Variants in RAB3GAP2 observed in about 807,000 individuals in gnomAD.
RAB3GAP2 encodes the protein RAB3 GTPase activating non-catalytic protein subunit 2, also known as rab3 GTPase-activating protein non-catalytic subunit.
A neutral mutation model predicts 185.3 loss-of-function variants in RAB3GAP2; 87 were observed. The observed-to-expected ratio is 0.47, with a 90% CI of 0.39 to 0.56. The LOEUF is 0.56. Among genes scored for constraint, RAB3GAP2 ranks in the 20% least tolerant of loss-of-function variants. RAB3GAP2 has a pLI of 0.00. For synonymous variants in RAB3GAP2, 554 were observed against 576.1 expected (o/e 0.96, Z 0.55); for missense variants, 1,492 against 1,638.2 (o/e 0.91, Z 1.54).
At chr1:220,258,129 G>C (rs1324493497) in intron 1 of RAB3GAP2, among the ~76,000 whole-genome samples, 1 of 152,154 alleles carries the variant, frequency 6.6e-6, no homozygotes, top group African/African-American at 2.4e-5. Context: ...CCCAGGACAA[G>C]ATGGATTCAC....
At position 220,175,506 on chromosome 1, in the gene RAB3GAP2, T is replaced by A. The variant is rs564482453; in HGVS notation, c.2311-2764A>T. Reference sequence around the variant, plus strand: ...TGCTGGGATTACAGGCGTGAGCCACTGCGCCCGGCCGGAATACCAGATTTC... The same window carrying A: ...TGCTGGGATTACAGGCGTGAGCCACAGCGCCCGGCCGGAATACCAGATTTC... On this transcript the variant is annotated intron_variant, in intron 21 of 34. Transcript: ENST00000358951. Among the ~76,000 whole-genome samples, 6 of 152,320 alleles carry A rather than the reference T, an allele frequency of 3.9e-5. No individual in the cohort carries two copies. The East Asian group carries it at 1.2e-3, about 29-fold the overall frequency.
chr1:220,179,244 C>CAAAAA (rs71169437), intron 21 of RAB3GAP2, among the ~76,000 whole-genome samples: 36 of 56,664 alleles, frequency 6.4e-4, no homozygotes, highest in Non-Finnish European at 7.9e-4. Flanking sequence ...GAGACTGTCT[C>CAAAAA]AAAAAAAAAA....
intron 4 of RAB3GAP2, among the ~76,000 whole-genome samples, chr1:220,212,416 C>T (rs1192795029): frequency 6.6e-6 from 1 of 152,148 alleles, no homozygotes; most frequent in Non-Finnish European, 1.5e-5. Context: ...CTGATTGAAT[C>T]ATTCTCTACA....
chr1:220,191,058 T>C lies in RAB3GAP2; in HGVS notation c.1487+10A>G, dbSNP rs1353980027. On this transcript the variant is annotated intron_variant, in intron 14 of 34. Coordinates refer to ENST00000358951, the MANE Select transcript of RAB3GAP2 (RefSeq NM_012414.4). ...TTGTAACCAGCACAATGCCAGCATT[T>C]GCAGCTTACCTGCAGTGCTTCCCCA... The C allele has an allele frequency of 6.2e-7, 1 of 1,608,660 alleles. No individual in the cohort carries two copies. The highest frequency in any genetic ancestry group is 2.2e-5 in the East Asian group (1 of 44,852).
intron 19 of RAB3GAP2, among the ~76,000 whole-genome samples, chr1:220,183,611 G>T (rs1658454039): frequency 6.6e-6 from 1 of 152,028 alleles, no homozygotes; most frequent in Admixed American, 6.6e-5. Flanking sequence ...ATTTAAAAGG[G>T]TGTCAAACGC....
intron 13 of RAB3GAP2, among the ~76,000 whole-genome samples, chr1:220,191,842 T>C (rs758976585): frequency 4.8e-4 from 72 of 151,550 alleles, no homozygotes; most frequent in Admixed American, 9.2e-4. Flanking sequence ...GAAAAGATTA[T>C]AGATATAATT....
intron 9 of RAB3GAP2, 23 bp from the exon 10 acceptor site, chr1:220,196,421 T>G (rs1215203768): frequency 6.4e-7 from 1 of 1,557,528 alleles, no homozygotes; most frequent in African/African-American, 1.4e-5. Flanking sequence ...AAAAAGTGAT[T>G]TGAATGTACA....
chr1:220,159,301 C>A, intron 29 of RAB3GAP2, 85 bp downstream of exon 29: 2 of 1,147,698 alleles, frequency 1.7e-6, no homozygotes, highest in East Asian at 2.4e-5. Flanking sequence ...TGATAAAAGG[C>A]AAAGTTCACC....
chr1:220,242,597 TAATC>T (rs1385497121), intron 1 of RAB3GAP2, among the ~76,000 whole-genome samples: 1 of 151,322 alleles, frequency 6.6e-6, no homozygotes, highest in Non-Finnish European at 1.5e-5. Context: ...TAGCATAACT[TAATC>T]AACCTTCTAG....
chr1:220,270,416 T>C (rs1393109691), intron 1 of RAB3GAP2, among the ~76,000 whole-genome samples: 1 of 152,258 alleles, frequency 6.6e-6, no homozygotes, highest in Admixed American at 6.5e-5. Context: ...AGACTATCTA[T>C]ATCTGGTGTT....
chr1:220,212,971 G>A lies in RAB3GAP2; in HGVS notation c.305-3C>T. On this transcript the variant is annotated splice_region_variant and splice_polypyrimidine_tract_variant and intron_variant, in intron 3 of 34. Transcript: ENST00000358951. The stretch of plus-strand genomic sequence containing the variant: ...TTTATCACTATATTTCCATTTTGCT[G>A]TAAGAATTAAGATATCATATAAAAT... The A allele has an allele frequency of 6.2e-7, 1 of 1,601,216 alleles. No individual in the cohort carries two copies. The highest frequency in any genetic ancestry group is 8.5e-7 in the Non-Finnish European group (1 of 1,169,704).
intron 17 of RAB3GAP2, 108 bp downstream of exon 17, chr1:220,189,595 A>T: frequency 9.1e-7 from 1 of 1,095,948 alleles, no homozygotes; most frequent in South Asian, 1.8e-5. Context: ...AAATGTGAAA[A>T]GAAGACTTCA....
At chr1:220,253,047 T>C (rs1279160709) in intron 1 of RAB3GAP2, among the ~76,000 whole-genome samples, 2 of 152,154 alleles carry the variant, frequency 1.3e-5, no homozygotes, top group Non-Finnish European at 2.9e-5. Flanking sequence ...GCTACCATCT[T>C]TGTGGTTCGG....
intron 4 of RAB3GAP2, 42 bp downstream of exon 4, chr1:220,212,845 T>G: frequency 6.9e-7 from 1 of 1,445,662 alleles, no homozygotes; most frequent in Non-Finnish European, 9.7e-7. Flanking sequence ...ATTTCATACA[T>G]ACATGTAACA....
intron 1 of RAB3GAP2, among the ~76,000 whole-genome samples, chr1:220,251,509 C>T (rs1239830772): frequency 6.6e-6 from 1 of 152,214 alleles, no homozygotes; most frequent in Non-Finnish European, 1.5e-5. Context: ...GCAAGCTCTA[C>T]TTGACTGATA....
At chr1:220,230,485 T>C (rs1416296347) in intron 2 of RAB3GAP2, among the ~76,000 whole-genome samples, 2 of 152,212 alleles carry the variant, frequency 1.3e-5, no homozygotes, top group Non-Finnish European at 2.9e-5. Context: ...TTTTATCCTA[T>C]TCAACACATC....
chr1:220,158,041 T>G lies in RAB3GAP2; in HGVS notation c.3262-165A>C, dbSNP rs1657890915. 6.6e-6 allele frequency among the ~76,000 whole-genome samples: 1 copy of G among 152,226 alleles called. No individual in the cohort carries two copies. Among genetic ancestry groups the G allele is most frequent in the Admixed American group, 6.5e-5 (1 of 15,284 alleles). Reference sequence around the variant, plus strand: ...GGCATTAGCATATTTAAGTTCCTTCTTTTAGATTTACTGTCAACCAATTTT... The same window carrying G: ...GGCATTAGCATATTTAAGTTCCTTCGTTTAGATTTACTGTCAACCAATTTT... On this transcript the variant is annotated intron_variant, in intron 29 of 34. Coordinates refer to ENST00000358951, the MANE Select transcript of RAB3GAP2 (RefSeq NM_012414.4). The surrounding 1 kb of genome is among the most constrained non-coding windows in gnomAD (Gnocchi z 4.3).
chr1:220,205,199 T>C (rs147088306), intron 8 of RAB3GAP2, among the ~76,000 whole-genome samples: 1 of 152,306 alleles, frequency 6.6e-6, no homozygotes, highest in African/African-American at 2.4e-5. Flanking sequence ...GAAATATCTC[T>C]TCCAAAAGAT....
intron 2 of RAB3GAP2, among the ~76,000 whole-genome samples, chr1:220,229,487 C>T (rs765277018): frequency 2.0e-5 from 3 of 152,102 alleles, no homozygotes; most frequent in Non-Finnish European, 2.9e-5. Flanking sequence ...TGCCATAAAG[C>T]GGCACACCCT....
Sources: allele counts gnomAD v4.1 joint callset (sites outside exome capture counted in the v4.1 genomes callset), GRCh38; gene constraint gnomAD v4.1.1; non-coding constraint Gnocchi (gnomAD v3.1); transcripts MANE v1.5; gene names NCBI Gene and HGNC (gene_info 2026-07-23, HGNC 2026-07-21).